The following VPS8 variants were observed in gnomAD, a reference collection of about 807,000 sequenced individuals.
VPS8 encodes the protein VPS8 subunit of CORVET complex, also known as vacuolar protein sorting-associated protein 8 homolog.
A neutral mutation model predicts 216.4 loss-of-function variants in VPS8; 129 were observed. The observed-to-expected ratio is 0.60, with a 90% confidence interval of 0.52 to 0.69. The LOEUF is 0.69. Ranked by LOEUF, VPS8 falls within the 30% of genes least tolerant of loss-of-function variation. The probability of loss-of-function intolerance (pLI) is 0.00; values close to 1 mark genes in which losing one functional copy is unlikely to be tolerated. For synonymous variants in VPS8, 571 were observed against 565.4 expected (o/e 1.01, Z -0.14); for missense variants, 1,531 against 1,683.5 (o/e 0.91, Z 1.59).
At chr3:184,983,149 A>G (rs1201528515) in intron 42 of VPS8, 55 bp downstream of exon 42, 1 of 1,429,690 alleles carries the variant, frequency 7.0e-7, no homozygotes, top group Non-Finnish European at 9.4e-7. Context: ...TTTTAGTTAT[A>G]TATAAATAAC....
intron 40 of VPS8, among the ~76,000 whole-genome samples, chr3:184,981,394 C>G (rs976819544): frequency 1.3e-5 from 2 of 149,052 alleles, no homozygotes; most frequent in Non-Finnish European, 3.0e-5. Flanking sequence ...GGTGGGGTGG[C>G]AGCGTCTTCA....
chr3:185,025,004 AAAAAAG>A (rs1219979893), intron 46 of VPS8, among the ~76,000 whole-genome samples: 2 of 152,138 alleles, frequency 1.3e-5, no homozygotes, highest in African/African-American at 2.4e-5. Flanking sequence ...CTCCATCTCA[AAAAAAG>A]AAAAAGAAAA....
chr3:185,042,814 TC>T (rs1386600757), intron 46 of VPS8, among the ~76,000 whole-genome samples: 6 of 152,170 alleles, frequency 3.9e-5, no homozygotes, highest in African/African-American at 1.4e-4. Flanking sequence ...AATGAGATGA[TC>T]AGCTTTTGTC....
intron 32 of VPS8, among the ~76,000 whole-genome samples, chr3:184,929,283 T>C (rs550103905): frequency 6.6e-6 from 1 of 152,196 alleles, no homozygotes; most frequent in Non-Finnish European, 1.5e-5. Flanking sequence ...AGCCTTAACC[T>C]CCTGGTCTCA....
chr3:184,918,886 T>C (rs1738098962), intron 28 of VPS8, among the ~76,000 whole-genome samples: 1 of 152,174 alleles, frequency 6.6e-6, no homozygotes, highest in South Asian at 2.1e-4. Flanking sequence ...CGTCTTCCTA[T>C]CTTCAGTCAG....
At chr3:184,870,655 T>A in intron 20 of VPS8, 61 bp from the exon 21 acceptor site, 1 of 1,279,264 alleles carries the variant, frequency 7.8e-7, no homozygotes, top group Non-Finnish European at 1.1e-6. Flanking sequence ...GAGAGCCACA[T>A]ACATATTGAA....
Position 184,904,873 on chromosome 3 carries a change from T to C in VPS8, c.2146+3901T>C, listed in dbSNP as rs146572578. Among the ~76,000 whole-genome samples the C allele has an allele frequency of 1.6e-3, 244 of 152,330 alleles. 2 individuals carry two copies. The highest frequency in any genetic ancestry group is 4.9e-3 in the African/African-American group (203 of 41,570). ...GTTTTAAAATTATTAGTTGTTTTGC[T>C]CTGTTTTGTGCTGCTGTAACAGAAT... On this transcript the variant is annotated intron_variant, in intron 25 of 47. Coordinates refer to ENST00000625842, the MANE Select transcript of VPS8 (RefSeq NM_001009921.3).
chr3:185,027,083 A>G (rs1577209310), intron 46 of VPS8, among the ~76,000 whole-genome samples: 1 of 151,976 alleles, frequency 6.6e-6, no homozygotes, highest in Non-Finnish European at 1.5e-5. Flanking sequence ...GTTCTCAAAG[A>G]CCTCAGCATT....
At chr3:184,879,752 A>G (rs1235279758) in intron 21 of VPS8, among the ~76,000 whole-genome samples, 1 of 152,156 alleles carries the variant, frequency 6.6e-6, no homozygotes, top group African/African-American at 2.4e-5. Context: ...TAGGAAGTTG[A>G]GTCTTTGTGT....
intron 25 of VPS8, among the ~76,000 whole-genome samples, chr3:184,912,778 C>T (rs1736797806): frequency 6.6e-6 from 1 of 152,168 alleles, no homozygotes; most frequent in South Asian, 2.1e-4. Context: ...CTGATAAAGG[C>T]ATACACTTGC....
chr3:184,957,487 TCC>T lies in VPS8; in HGVS notation c.3150_3151del (p.Leu1051Ter). ...ACCCAAGTTATAGAGACTCTGCAAG[TCC>T]TTGAGTGCTACCGTCTGGAAGAAAC... On this transcript the variant is annotated frameshift_variant, in exon 37 of 48. Coordinates refer to ENST00000625842, the MANE Select transcript of VPS8 (RefSeq NM_001009921.3). LOFTEE classifies it high-confidence loss of function. The T allele has an allele frequency of 1.2e-6, 2 of 1,612,386 alleles. No homozygotes were observed. The highest frequency in any genetic ancestry group is 1.7e-6 in the Non-Finnish European group (2 of 1,179,238).
intron 23 of VPS8, among the ~76,000 whole-genome samples, chr3:184,895,606 CT>C (rs1733260231): frequency 1.8e-4 from 5 of 28,484 alleles, no homozygotes; most frequent in Non-Finnish European, 3.3e-4. Context: ...TCCTCCCCCC[CT>C]CCTCCTCCCC....
At chr3:185,042,909 T>C (rs1024302302) in intron 46 of VPS8, among the ~76,000 whole-genome samples, 1 of 152,152 alleles carries the variant, frequency 6.6e-6, no homozygotes, top group African/African-American at 2.4e-5. Flanking sequence ...GTATGTGGGT[T>C]TCAAAGACTT....
intron 46 of VPS8, among the ~76,000 whole-genome samples, chr3:185,043,999 G>A (rs532892159): frequency 6.6e-6 from 1 of 152,138 alleles, no homozygotes; most frequent in Non-Finnish European, 1.5e-5. Flanking sequence ...AGACCAGCCT[G>A]ACTAATATGA....
At chr3:184,825,602 C>G (rs564446121) in intron 2 of VPS8, among the ~76,000 whole-genome samples, 2 of 152,186 alleles carry the variant, frequency 1.3e-5, no homozygotes, top group Non-Finnish European at 2.9e-5. Context: ...TCTTTCAACA[C>G]AAGTTTTCTG....
chr3:184,976,740 T>C (rs1375747425), intron 40 of VPS8, among the ~76,000 whole-genome samples: 1 of 152,174 alleles, frequency 6.6e-6, no homozygotes, highest in Non-Finnish European at 1.5e-5. Context: ...TCTGCGTTAG[T>C]TTGCTTAGGA....
intron 21 of VPS8, among the ~76,000 whole-genome samples, chr3:184,883,209 G>A (rs948695463): frequency 2.0e-5 from 3 of 152,042 alleles, no homozygotes; most frequent in African/African-American, 4.8e-5. Flanking sequence ...ATAAATATTG[G>A]TCTTCCTCAA....
chr3:184,985,732 A>G (rs930585939), intron 42 of VPS8, among the ~76,000 whole-genome samples: 33 of 152,228 alleles, frequency 2.2e-4, no homozygotes, highest in Admixed American at 2.0e-3. Flanking sequence ...GAAAAGATCT[A>G]TAAGTCTCTC....
chr3:184,860,065 CGTGA>C lies in VPS8; in HGVS notation c.1224+3_1224+6del, dbSNP rs769775618. 1.1e-5 allele frequency: 17 copies of C among 1,603,530 alleles called. No individual in the cohort carries two copies. The highest frequency in any genetic ancestry group is 1.3e-5 in the Non-Finnish European group (15 of 1,171,796). On this transcript the variant is annotated splice_donor_variant and splice_donor_region_variant and intron_variant, in intron 15 of 47. Coordinates refer to ENST00000625842, the MANE Select transcript of VPS8 (RefSeq NM_001009921.3). LOFTEE classifies it high-confidence loss of function. ...TATACTATGACCTCATCAACTTTAC[CGTGA>C]GTATTATTCAAATTAAATATCCCCA...
Sources: gnomAD v4.1 joint callset for allele counts (sites outside exome capture counted in the v4.1 genomes callset) on GRCh38, gnomAD v4.1.1 for gene constraint, MANE v1.5 for transcripts, NCBI Gene and HGNC (gene_info 2026-07-23, HGNC 2026-07-21) for gene names.